The following PLXNB2 variants were observed in gnomAD, a reference collection of about 807,000 sequenced individuals.
The protein encoded by PLXNB2 is plexin-B2.
In PLXNB2, 85 loss-of-function variants were observed where a neutral mutation model predicts 202.6. That is an observed-to-expected ratio of 0.42 (90% confidence interval 0.35 to 0.50). PLXNB2 has a LOEUF of 0.50. Ranked by LOEUF, PLXNB2 falls within the 20% of genes least tolerant of loss-of-function variation. The pLI is 0.02. For synonymous variants in PLXNB2, 1,239 were observed against 1,137.6 expected (o/e 1.09, Z -1.79); for missense variants, 2,063 against 2,586.2 (o/e 0.80, Z 4.39).
intron 6 of PLXNB2, 32 bp from the exon 7 acceptor site, chr22:50,287,825 G>T (rs777456135): frequency 1.3e-6 from 2 of 1,595,678 alleles, no homozygotes; most frequent in East Asian, 4.5e-5. Context: ...TCAGCCCAGG[G>T]TGGAGTCTTG....
In PLXNB2 at chr22:50,288,412, C is replaced by T. The variant is rs987934361; in HGVS notation, c.1380+331G>A. Among the ~76,000 whole-genome samples the T allele has an allele frequency of 3.9e-5, 6 of 152,172 alleles. No individual in the cohort carries two copies. The highest frequency in any genetic ancestry group is 2.6e-4 in the Admixed American group (4 of 15,280). ...GCTCACATGGGCTGTGCAGGGACCC[C>T]GTCTTCCCATCCACCCTCAGCAACA... On this transcript the variant is annotated intron_variant, in intron 5 of 36. Coordinates refer to ENST00000359337, the MANE Select transcript of PLXNB2 (RefSeq NM_012401.4). The surrounding 1 kb of genome is among the most constrained non-coding windows in gnomAD (Gnocchi z 5.0).
chr22:50,275,194 C>T lies in PLXNB2; in HGVS notation c.*510G>A, dbSNP rs14186. 5.4e-3 allele frequency: 1,763 copies of T among 327,208 alleles called. 8 individuals are homozygous for T. Among genetic ancestry groups the T allele is most frequent in the Non-Finnish European group, 8.4e-3 (1,395 of 165,548 alleles). 20.3% of individuals were successfully genotyped at this position (327,208 alleles called of 1,614,324 possible). On this transcript the variant is annotated 3_prime_UTR_variant, in exon 37 of 37. Transcript: ENST00000359337. ...GTGGGGCCCAGCAGCCGTGAGTCCA[C>T]CCAGAGTGCCGGCACCCTTGGGGAG...
Position 50,281,206 on chromosome 22 carries a change from GCCT to G in PLXNB2, c.3663-20_3663-18del. The G allele has an allele frequency of 6.2e-7, 1 of 1,603,638 alleles. No individual in the cohort carries two copies. Among genetic ancestry groups the G allele is most frequent in the Non-Finnish European group, 8.5e-7 (1 of 1,173,842 alleles). On this transcript the variant is annotated intron_variant, in intron 22 of 36. Coordinates refer to ENST00000359337, the MANE Select transcript of PLXNB2 (RefSeq NM_012401.4). The stretch of plus-strand genomic sequence containing the variant: ...CTCTTCCTCCTGCAAGGCACAGCGG[GCCT>G]CCTAGGTTCTGCCGGGGCTGGCCGC...
intron 18 of PLXNB2, 173 bp downstream of exon 18, chr22:50,282,537 GC>G: frequency 1.5e-6 from 1 of 668,304 alleles, no homozygotes; most frequent in Non-Finnish European, 2.5e-6. Flanking sequence ...CCTCTGGTGT[GC>G]CCATCTGGGT....
intron 7 of PLXNB2, 104 bp from the exon 8 acceptor site, chr22:50,287,368 G>A (rs1165186615): frequency 1.5e-6 from 2 of 1,305,260 alleles, no homozygotes; most frequent in Non-Finnish European, 1.0e-6. Context: ...TCCCAGTGGA[G>A]CCTCCAGAAC....
chr22:50,280,172 CT>C, intron 25 of PLXNB2, 101 bp from the exon 26 acceptor site: 7 of 946,948 alleles, frequency 7.4e-6, no homozygotes, highest in Non-Finnish European at 1.1e-5. Flanking sequence ...AGCCTCGCCC[CT>C]GTCCAGCCTG....
intron 28 of PLXNB2, 50 bp downstream of exon 28, chr22:50,278,805 G>A (rs2065789372): frequency 1.3e-6 from 2 of 1,599,478 alleles, no homozygotes; most frequent in Non-Finnish European, 1.7e-6. Context: ...CCAGGACACA[G>A]GCCAGGCACA....
chr22:50,295,629 C>G (rs146624926), intron 1 of PLXNB2, among the ~76,000 whole-genome samples: 2 of 152,172 alleles, frequency 1.3e-5, no homozygotes, highest in South Asian at 2.1e-4. Flanking sequence ...GGTGCTTCTC[C>G]GCATGGTTGG....
chr22:50,289,676 G>C lies in PLXNB2; in HGVS notation c.909C>G (p.Ser303Arg). 1 of 1,610,202 alleles carries C rather than the reference G, an allele frequency of 6.2e-7. No homozygotes were observed. The highest frequency in any genetic ancestry group is 8.5e-7 in the Non-Finnish European group (1 of 1,179,820). ...AGAGGCCCGCACCGGGCCCCCCACT[G>C]CTCCGGCTGTCTCTGCTGAAGACAG... ...LYAVFSRDSR[S>R]SGGPGAGLCL... Residue 303 changes from serine to arginine, a missense_variant, in exon 3 of 37, where the codon AGC (serine) becomes AGG (arginine). Physicochemically the swap from Ser to Arg is moderately radical, Grantham distance 110 (BLOSUM62 -1). This residue lies in a region of PLXNB2 where 1,303 missense variants were observed against 1,476.8 expected (regional missense o/e 0.88). Coordinates refer to ENST00000359337, the MANE Select transcript of PLXNB2 (RefSeq NM_012401.4). This position sits in a 1 kb window ranked among gnomAD's most constrained non-coding sequence, Gnocchi z 8.0.
rs759047211 is a variant in PLXNB2 at position 50,283,971 on chromosome 22, G to A, written c.2283C>T (p.Ser761=). ...ACAGGCTGCAGTCGCTGCGGCCAAA[G>A]GAGCAGTTGTAGAGGGTCACTGCGG... ...SKLHVTLYNC[S]FGRSDCSLCR... is the part of the protein sequence containing the mutation. The change falls in exon 14 of 37, where the codon TCC becomes TCT. Residue 761 remains serine, a synonymous_variant. Coordinates refer to ENST00000359337, the MANE Select transcript of PLXNB2 (RefSeq NM_012401.4). The A allele has an allele frequency of 6.5e-7, 1 of 1,548,328 alleles. No individual in the cohort carries two copies. The highest frequency in any genetic ancestry group is 8.7e-7 in the Non-Finnish European group (1 of 1,149,930).
rs373453904 is a variant in PLXNB2 at position 50,281,597 on chromosome 22, C to T, written c.3491G>A (p.Arg1164Gln). The part of the protein sequence containing the change: ...VQPPPKRRQK[R>Q]DTTHNLPEFI... ...CTCGGGCAGGTTGTGTGTGGTGTCTCGTTTCTGCCGCCGCTTGGGCGGGGG... is the reference window on the plus strand; with the variant it reads ...CTCGGGCAGGTTGTGTGTGGTGTCTTGTTTCTGCCGCCGCTTGGGCGGGGG... Residue 1164 changes from arginine to glutamine, a missense_variant, in exon 21 of 37, where the codon CGA becomes CAA. Transcript: ENST00000359337. The T allele has an allele frequency of 1.2e-5, 19 of 1,610,530 alleles. No homozygotes were observed. The highest frequency in any genetic ancestry group is 9.9e-5 in the South Asian group (9 of 90,864).
chr22:50,292,499 G>C (rs879746849), intron 2 of PLXNB2, among the ~76,000 whole-genome samples: 27 of 152,142 alleles, frequency 1.8e-4, no homozygotes, highest in African/African-American at 6.3e-4. Flanking sequence ...ATTTACCCAA[G>C]GCCACACCGC....
intron 1 of PLXNB2, among the ~76,000 whole-genome samples, chr22:50,301,182 G>C (rs1459603519): frequency 1.3e-5 from 2 of 152,166 alleles, no homozygotes. Flanking sequence ...AGTTGGCTAC[G>C]GCGCCCTGTC....
At chr22:50,286,367 C>T (rs1490530528) in intron 8 of PLXNB2, 80 bp from the exon 9 acceptor site, 1 of 1,000,156 alleles carries the variant, frequency 1.0e-6, no homozygotes, top group East Asian at 2.4e-5. Context: ...GGGGCTGACT[C>T]CTGGGGCCAA....
At chr22:50,298,700 T>C (rs28711487) in intron 1 of PLXNB2, among the ~76,000 whole-genome samples, 53,490 of 152,118 alleles carry the variant, frequency 0.35, 10,567 homozygotes, top group African/African-American at 0.54. Flanking sequence ...GGCTGGAGTG[T>C]AGGGGCATGA....
intron 1 of PLXNB2, among the ~76,000 whole-genome samples, chr22:50,304,182 C>A (rs62241211): frequency 0.38 from 57,118 of 152,124 alleles, 11,339 homozygotes; most frequent in South Asian, 0.59. Flanking sequence ...CCTCCCCAGA[C>A]AGACATCCCC....
At chr22:50,279,089 G>A (rs1292639288) in intron 27 of PLXNB2, 78 bp from the exon 28 acceptor site, 27 of 1,438,940 alleles carry the variant, frequency 1.9e-5, no homozygotes, top group African/African-American at 2.8e-5. Context: ...TCCCTGCCCC[G>A]CCAGCTTTGC....
At chr22:50,293,393 G>A (rs2067025320) in intron 2 of PLXNB2, among the ~76,000 whole-genome samples, 1 of 152,296 alleles carries the variant, frequency 6.6e-6, no homozygotes, top group East Asian at 1.9e-4. Context: ...AGCCACCCGG[G>A]GGCAGGTCCC....
chr22:50,284,003 C>T lies in PLXNB2; in HGVS notation c.2264-13G>A. ...TTGTAGAGGGTCACTGCGGGGAGAGCTGCCGTCAGTGGTCACCCCGTGCCT... is the reference window on the plus strand; with the variant it reads ...TTGTAGAGGGTCACTGCGGGGAGAGTTGCCGTCAGTGGTCACCCCGTGCCT... On this transcript the variant is annotated splice_polypyrimidine_tract_variant and intron_variant, in intron 13 of 36. Transcript: ENST00000359337. This position sits in a 1 kb window ranked among gnomAD's most constrained non-coding sequence, Gnocchi z 8.0. 2 of 1,534,020 alleles carry T rather than the reference C, an allele frequency of 1.3e-6. No individual in the cohort carries two copies. The highest frequency in any genetic ancestry group is 1.7e-6 in the Non-Finnish European group (2 of 1,144,086).
Sources: gnomAD v4.1 joint callset for allele counts (sites outside exome capture counted in the v4.1 genomes callset) on GRCh38, gnomAD v4.1.1 for gene constraint, gnomAD v4.1.1 regional missense constraint, Gnocchi (gnomAD v3.1) non-coding constraint, MANE v1.5 for transcripts, NCBI Gene and HGNC (gene_info 2026-07-23, HGNC 2026-07-21) for gene names.